The following TNS3 variants were observed in gnomAD, a reference collection of about 807,000 sequenced individuals.
TNS3 encodes tensin-3.
In TNS3, 45 loss-of-function variants were observed where a neutral mutation model predicts 140.9. The ratio of observed to expected loss-of-function variants is 0.32; its 90% CI spans 0.25 to 0.41. TNS3 has a LOEUF of 0.41. Among genes scored for constraint, TNS3 ranks in the 10% least tolerant of loss-of-function variants. The probability of loss-of-function intolerance (pLI) is 1.00; values close to 1 mark genes in which losing one functional copy is unlikely to be tolerated. For synonymous variants in TNS3, 815 were observed against 788.4 expected (o/e 1.03, Z -0.56); for missense variants, 1,716 against 1,906.7 (o/e 0.90, Z 1.86).
chr7:47,290,834 T>C (rs1785655017), intron 27 of TNS3, among the ~76,000 whole-genome samples: 1 of 152,222 alleles, frequency 6.6e-6, no homozygotes, highest in African/African-American at 2.4e-5. Flanking sequence ...CTCCTTGGTA[T>C]CTACGCACAG....
At chr7:47,529,319 C>T (rs1473048466) in intron 1 of TNS3, among the ~76,000 whole-genome samples, 172 bp from the exon 2 acceptor site, 1 of 152,192 alleles carries the variant, frequency 6.6e-6, no homozygotes, top group African/African-American at 2.4e-5. Context: ...ATTCCCAAGA[C>T]GACCCACGGA....
At chr7:47,508,262 G>A (rs1798489784) in intron 2 of TNS3, among the ~76,000 whole-genome samples, 1 of 152,182 alleles carries the variant, frequency 6.6e-6, no homozygotes, top group South Asian at 2.1e-4. Context: ...CAGCTAGGTT[G>A]TTATCTTTGT....
chr7:47,355,950 T>C (rs1183321613), intron 17 of TNS3, among the ~76,000 whole-genome samples: 1 of 152,184 alleles, frequency 6.6e-6, no homozygotes, highest in East Asian at 1.9e-4. Flanking sequence ...TTCATGTCAC[T>C]GCATTCTCTC....
At chr7:47,574,447 C>A (rs1800625809) in intron 1 of TNS3, among the ~76,000 whole-genome samples, 1 of 151,976 alleles carries the variant, frequency 6.6e-6, no homozygotes, top group Non-Finnish European at 1.5e-5. Flanking sequence ...TATGTCTCAA[C>A]TGCAATTTGA....
At chr7:47,314,818 C>A (rs762124687) in intron 20 of TNS3, among the ~76,000 whole-genome samples, 1 of 152,164 alleles carries the variant, frequency 6.6e-6, no homozygotes, top group Non-Finnish European at 1.5e-5. Context: ...GGGGCATCTG[C>A]GGAGGCATTA....
At position 47,303,040 on chromosome 7, in the gene TNS3, T is replaced by C; in HGVS notation, c.3367A>G (p.Ser1123Gly). ...SVSPSSSGFS[S>G]PHSGSTISIP... ...CTGATGGTGCTCCCGCTGTGCGGGC[T>C]GGAGAAGCCACTGGAGGAGGGAGAG... Residue 1123 changes from serine (S) to glycine (G), a missense_variant, in exon 22 of 31, where the codon AGC becomes GGC. This residue lies in a region of TNS3 where 1,163 missense variants were observed against 1,182.1 expected (regional missense o/e 0.98). Coordinates refer to ENST00000311160, the MANE Select transcript of TNS3 (RefSeq NM_022748.12). 1 of 1,613,986 alleles carries C rather than the reference T, an allele frequency of 6.2e-7. No individual in the cohort carries two copies. Among genetic ancestry groups the C allele is most frequent in the Non-Finnish European group, 8.5e-7 (1 of 1,179,998 alleles).
chr7:47,483,744 G>A (rs1211902817), intron 3 of TNS3, among the ~76,000 whole-genome samples: 4 of 152,176 alleles, frequency 2.6e-5, no homozygotes, highest in Admixed American at 6.5e-5. Flanking sequence ...AAAAGGAGAG[G>A]TGAGCTCTGT....
intron 17 of TNS3, among the ~76,000 whole-genome samples, chr7:47,352,088 A>ACT (rs10647534): frequency 0.14 from 21,107 of 148,374 alleles, 1,568 homozygotes; most frequent in African/African-American, 0.19. Context: ...CACCCACGTC[A>ACT]CACACACCTG....
intron 3 of TNS3, among the ~76,000 whole-genome samples, chr7:47,492,888 T>C (rs1037704821): frequency 1.3e-5 from 2 of 152,168 alleles, no homozygotes; most frequent in Non-Finnish European, 2.9e-5. Context: ...TCCCACTGCC[T>C]GTGAGAGCCA....
At chr7:47,544,009 C>A (rs978610875) in intron 1 of TNS3, among the ~76,000 whole-genome samples, 1 of 152,194 alleles carries the variant, frequency 6.6e-6, no homozygotes, top group African/African-American at 2.4e-5. Context: ...ATAAAAAATG[C>A]TTTCCTTACA....
chr7:47,532,300 G>A (rs1001034396), intron 1 of TNS3, among the ~76,000 whole-genome samples: 9 of 152,162 alleles, frequency 5.9e-5, no homozygotes, highest in Non-Finnish European at 1.0e-4. Flanking sequence ...CCCACAGACT[G>A]GAGTGGGGAC....
At chr7:47,384,327 A>T (rs1478042712) in intron 16 of TNS3, among the ~76,000 whole-genome samples, 1 of 152,078 alleles carries the variant, frequency 6.6e-6, no homozygotes, top group Non-Finnish European at 1.5e-5. Flanking sequence ...ACTTCAGAAC[A>T]CTTTCACCCA....
intron 20 of TNS3, among the ~76,000 whole-genome samples, chr7:47,319,668 T>C (rs1361977303): frequency 1.3e-5 from 2 of 152,170 alleles, no homozygotes; most frequent in African/African-American, 4.8e-5. Flanking sequence ...TTGAAAACCT[T>C]ATTCTATGTG....
At chr7:47,294,847 G>A (rs559015358) in intron 24 of TNS3, among the ~76,000 whole-genome samples, 68 of 152,310 alleles carry the variant, frequency 4.5e-4, no homozygotes, top group African/African-American at 1.5e-3. Context: ...AGAAAATGAC[G>A]CCTGGCTTCC....
At chr7:47,337,981 T>G (rs1480390185) in intron 20 of TNS3, among the ~76,000 whole-genome samples, 1 of 152,266 alleles carries the variant, frequency 6.6e-6, no homozygotes, top group African/African-American at 2.4e-5. Context: ...CTTCAGGTTT[T>G]GACTTTTCTC....
At chr7:47,546,377 A>G (rs895643230) in intron 1 of TNS3, among the ~76,000 whole-genome samples, 20 of 152,218 alleles carry the variant, frequency 1.3e-4, no homozygotes, top group South Asian at 6.2e-4. Flanking sequence ...AGCTCCCAGG[A>G]CCTGCCGTCA....
chr7:47,332,062 G>A (rs1188969036), intron 20 of TNS3, among the ~76,000 whole-genome samples: 1 of 152,222 alleles, frequency 6.6e-6, no homozygotes, highest in Non-Finnish European at 1.5e-5. Context: ...CCTTCTGCAA[G>A]TCTCACAATC....
chr7:47,281,322 T>C (rs1204438974), intron 28 of TNS3, among the ~76,000 whole-genome samples: 1 of 151,992 alleles, frequency 6.6e-6, no homozygotes, highest in Non-Finnish European at 1.5e-5. Flanking sequence ...CTTCCAAGAG[T>C]GCTATCCACC....
intron 4 of TNS3, among the ~76,000 whole-genome samples, chr7:47,448,548 C>T (rs1290423675): frequency 1.1e-4 from 17 of 147,848 alleles, no homozygotes; most frequent in African/African-American, 4.3e-4. Context: ...GGCACGATCT[C>T]GGCTCACTGC....
Sources: gnomAD v4.1 joint callset for allele counts (sites outside exome capture counted in the v4.1 genomes callset) on GRCh38, gnomAD v4.1.1 for gene constraint, gnomAD v4.1.1 regional missense constraint, MANE v1.5 for transcripts, NCBI Gene and HGNC (gene_info 2026-07-23, HGNC 2026-07-21) for gene names.